Variants in LRRC69 observed in about 807,000 individuals in gnomAD.
LRRC69 encodes the protein leucine rich repeat containing 69.
LRRC69 carries 42 observed loss-of-function variants against 37.8 expected under a neutral mutation model. The ratio of observed to expected loss-of-function variants is 1.11; its 90% confidence interval spans 0.87 to 1.44. LRRC69 has a LOEUF of 1.44. LRRC69 is among the 40% of genes most tolerant of loss of function. The pLI is 0.00. For missense variants in LRRC69, 357 were observed against 401.9 expected, an observed-to-expected ratio of 0.89 and a Z score of 0.96; for synonymous variants, 141 against 143.1, an observed-to-expected ratio of 0.99 and a Z score of 0.11.
At chr8:91,198,781 T>C (rs898091678) in intron 6 of LRRC69, among the ~76,000 whole-genome samples, 1 of 152,132 alleles carries the variant, frequency 6.6e-6, no homozygotes, top group Admixed American at 6.5e-5. Context: ...AATTGTATAC[T>C]CTCAAAAATT....
intron 5 of LRRC69, among the ~76,000 whole-genome samples, chr8:91,162,267 A>C (rs966604102): frequency 6.6e-6 from 1 of 151,446 alleles, no homozygotes; most frequent in Non-Finnish European, 1.5e-5. Context: ...TGTTAGGTCC[A>C]TTTGATTTTG....
chr8:91,114,176 T>G (rs770180801), intron 1 of LRRC69, among the ~76,000 whole-genome samples: 1 of 151,800 alleles, frequency 6.6e-6, no homozygotes, highest in Non-Finnish European at 1.5e-5. Context: ...TTCACAAGGA[T>G]GTGGAGAAAA....
At chr8:91,157,524 T>G (rs945637171) in intron 5 of LRRC69, 6 of 1,539,362 alleles carry the variant, frequency 3.9e-6, no homozygotes, top group Non-Finnish European at 5.4e-6. Flanking sequence ...TCTATTTGTT[T>G]CCTATAGTAT....
At chr8:91,158,355 C>G in intron 5 of LRRC69, 1 of 1,445,454 alleles carries the variant, frequency 6.9e-7, no homozygotes, top group South Asian at 1.1e-5. Context: ...GAGAATGAAT[C>G]TTGGTATTTA....
chr8:91,192,354 C>T (rs1457283946), intron 6 of LRRC69, among the ~76,000 whole-genome samples: 3 of 152,118 alleles, frequency 2.0e-5, no homozygotes, highest in African/African-American at 7.2e-5. Flanking sequence ...CCTTTGGGTA[C>T]ATACTCAGTA....
intron 5 of LRRC69, among the ~76,000 whole-genome samples, chr8:91,174,357 A>G (rs924598873): frequency 2.6e-5 from 4 of 152,220 alleles, no homozygotes; most frequent in Non-Finnish European, 5.9e-5. Context: ...CTTAAAACAT[A>G]TAGTCTAATA....
chr8:91,200,710 C>G, exon 7 of LRRC69: 1 of 1,534,470 alleles, frequency 6.5e-7, no homozygotes, highest in East Asian at 2.5e-5. Flanking sequence ...AGCATGATCT[C>G]TCAGGGAAAA....
In LRRC69 at chr8:91,195,847, T is replaced by G. The variant is rs560732427; in HGVS notation, c.754-4766T>G. Among the ~76,000 whole-genome samples, 26 of 151,450 alleles carry G rather than the reference T, an allele frequency of 1.7e-4. No homozygotes were observed. In the South Asian group the frequency reaches 4.8e-3, roughly 28 times the overall value. On this transcript the variant is annotated intron_variant, in intron 6 of 7. Coordinates refer to ENST00000448384, the Ensembl canonical transcript of LRRC69. ...TTGGAGCATTTAGTCCATTTACATT[T>G]AAAGTTAATATTGTTATGTGTGAAT... is the stretch of plus-strand genomic sequence containing the variant.
At chr8:91,217,662 G>A (rs1263011896) in intron 7 of LRRC69, among the ~76,000 whole-genome samples, 2 of 152,176 alleles carry the variant, frequency 1.3e-5, no homozygotes, top group Non-Finnish European at 2.9e-5. Context: ...CCCAGCATAT[G>A]CACTGAGATT....
At chr8:91,172,219 G>A (rs1309614086) in intron 5 of LRRC69, among the ~76,000 whole-genome samples, 1 of 151,876 alleles carries the variant, frequency 6.6e-6, no homozygotes, top group East Asian at 1.9e-4. Context: ...CTTCTATAAA[G>A]TTCAGTGTGG....
intron 1 of LRRC69, among the ~76,000 whole-genome samples, chr8:91,110,587 C>T (rs1381244825): frequency 7.7e-6 from 1 of 129,052 alleles, no homozygotes; most frequent in Non-Finnish European, 1.7e-5. Context: ...TGCAGTGAGC[C>T]GAGATCATGC....
Position 91,189,696 on chromosome 8 carries a change from A to G in LRRC69, c.753+73A>G, listed in dbSNP as rs987256130. 13 of 1,054,794 alleles carry G rather than the reference A, an allele frequency of 1.2e-5. No homozygotes were observed. In the Admixed American group the frequency reaches 2.3e-4, roughly 18 times the overall value. 65.3% of individuals were successfully genotyped at this position (1,054,794 alleles called of 1,614,324 possible). A position where few individuals can be genotyped will look rare whatever the true frequency, so the allele number is the denominator to read the frequency against. On this transcript the variant is annotated intron_variant, in intron 6 of 7. Transcript: ENST00000448384. ...TTAAATTTTAAAGCGTTTTCTTTTA[A>G]AACATTCTTGCCAAGCCAGCAAATG...
chr8:91,139,483 C>T (rs1808495414), intron 5 of LRRC69, among the ~76,000 whole-genome samples: 1 of 150,008 alleles, frequency 6.7e-6, no homozygotes, highest in Non-Finnish European at 1.5e-5. Context: ...CCATGTTGGT[C>T]AGGCTGGTTG....
intron 7 of LRRC69, among the ~76,000 whole-genome samples, chr8:91,205,138 G>A (rs370809394): frequency 2.6e-5 from 4 of 151,902 alleles, no homozygotes; most frequent in Admixed American, 6.6e-5. Context: ...GAATAGATTC[G>A]AATTATAAAA....
intron 5 of LRRC69, chr8:91,158,258 C>T (rs1223123041): frequency 6.4e-7 from 1 of 1,556,210 alleles, no homozygotes; most frequent in African/African-American, 1.4e-5. Context: ...ATTAATTGGC[C>T]CCCTGATTGT....
At chr8:91,200,884 C>A in intron 7 of LRRC69, 92 bp downstream of exon 7, 1 of 1,204,088 alleles carries the variant, frequency 8.3e-7, no homozygotes, top group Non-Finnish European at 1.1e-6. Flanking sequence ...AGATTTGTAC[C>A]TATGATTGGC....
At chr8:91,112,650 G>A (rs1199830231) in intron 1 of LRRC69, among the ~76,000 whole-genome samples, 9 of 151,984 alleles carry the variant, frequency 5.9e-5, no homozygotes, top group Non-Finnish European at 1.2e-4. Context: ...GGGAAAAGCT[G>A]CAAGCTTTTT....
chr8:91,156,171 G>A (rs912533755), intron 5 of LRRC69, among the ~76,000 whole-genome samples: 25 of 150,806 alleles, frequency 1.7e-4, no homozygotes, highest in African/African-American at 5.8e-4. Context: ...CATTTACAGT[G>A]TATGAGTTTT....
At chr8:91,105,686 A>C (rs1052018328) in intron 1 of LRRC69, among the ~76,000 whole-genome samples, 25 of 149,834 alleles carry the variant, frequency 1.7e-4, no homozygotes, top group African/African-American at 5.6e-4. Flanking sequence ...AAGGAAAGGC[A>C]GATGAAGGTT....
Sources: allele counts gnomAD v4.1 joint callset (sites outside exome capture counted in the v4.1 genomes callset), GRCh38; gene constraint gnomAD v4.1.1; transcripts MANE v1.5; gene names NCBI Gene and HGNC (gene_info 2026-07-23, HGNC 2026-07-21).